The following STK3 variants were observed in gnomAD, a reference collection of about 807,000 sequenced individuals.
STK3 encodes the protein serine/threonine-protein kinase 3.
A neutral mutation model predicts 58.0 loss-of-function variants in STK3; 41 were observed. The ratio of observed to expected loss-of-function variants is 0.71; its 90% CI spans 0.55 to 0.92. The LOEUF is 0.92. Ranked by LOEUF, STK3 falls within the 40% of genes least tolerant of loss-of-function variation. STK3 has a pLI of 0.00. For missense variants in STK3, 479 were observed against 602.7 expected (o/e 0.79, Z 2.15); for synonymous variants, 170 against 191.0 (o/e 0.89, Z 0.91).
chr8:98,484,289 A>G (rs1426068607), intron 10 of STK3, among the ~76,000 whole-genome samples: 1 of 152,218 alleles, frequency 6.6e-6, no homozygotes, highest in African/African-American at 2.4e-5. Context: ...GTTTGATACC[A>G]AAGTATCCTT....
chr8:98,382,619 C>T (rs1037327620), intron 1 of STK3, among the ~76,000 whole-genome samples: 9 of 152,100 alleles, frequency 5.9e-5, no homozygotes, highest in Admixed American at 5.9e-4. Context: ...GCCCGGGCTG[C>T]TCCATGAGGT....
intron 10 of STK3, among the ~76,000 whole-genome samples, chr8:98,478,417 C>T (rs1463466586): frequency 2.6e-5 from 4 of 152,112 alleles, no homozygotes; most frequent in Non-Finnish European, 2.9e-5. Flanking sequence ...GTTCGCCTCC[C>T]GAGCAGAGCA....
chr8:98,545,191 C>A (rs1179444065), intron 9 of STK3, among the ~76,000 whole-genome samples: 1 of 152,202 alleles, frequency 6.6e-6, no homozygotes, highest in Non-Finnish European at 1.5e-5. Context: ...TACCCAGTGT[C>A]AAGCATTCAG....
At chr8:98,344,764 G>T in the STK3 span, among the ~76,000 whole-genome samples, 3 of 150,156 alleles carry the variant, frequency 2.0e-5, no homozygotes, top group Non-Finnish European at 3.0e-5. Context: ...GTAGTGGCGG[G>T]CGCCTGTAGT....
At chr8:98,443,370 C>A (rs940229145) in intron 1 of STK3, among the ~76,000 whole-genome samples, 1 of 152,172 alleles carries the variant, frequency 6.6e-6, no homozygotes, top group East Asian at 1.9e-4. Context: ...TTGTGAATGG[C>A]AGTTTGTTTC....
intron 3 of STK3, among the ~76,000 whole-genome samples, chr8:98,851,792 A>T (rs1462012195): frequency 2.0e-5 from 3 of 151,970 alleles, no homozygotes; most frequent in Non-Finnish European, 4.4e-5. Flanking sequence ...AGGCTTTTAA[A>T]TTTTTTTTGA....
chr8:98,705,704 T>C (rs554986662), intron 6 of STK3, among the ~76,000 whole-genome samples: 8 of 152,198 alleles, frequency 5.3e-5, no homozygotes, highest in South Asian at 4.1e-4. Flanking sequence ...CATTCCTACA[T>C]CCTTATTGAG....
At chr8:98,463,344 A>C (rs16892236) in intron 10 of STK3, among the ~76,000 whole-genome samples, 1 of 151,824 alleles carries the variant, frequency 6.6e-6, no homozygotes, top group Admixed American at 6.6e-5. Flanking sequence ...AGGAGATGAA[A>C]GATCAATATA....
chr8:98,355,538 A>G, the STK3 span, among the ~76,000 whole-genome samples: 7 of 152,212 alleles, frequency 4.6e-5, no homozygotes, highest in South Asian at 4.1e-4. Context: ...GGGCATCTCT[A>G]TGAGAAGTTT....
chr8:98,345,410 T>G, the STK3 span, among the ~76,000 whole-genome samples: 2 of 152,022 alleles, frequency 1.3e-5, no homozygotes, highest in Admixed American at 1.3e-4. Flanking sequence ...AGTCACACTT[T>G]TTACTCCCCT....
In STK3 at chr8:98,706,480, A is replaced by G. The variant is rs748708313; in HGVS notation, c.671T>C (p.Ile224Thr). The change falls in exon 6 of 11, where the codon ATA (isoleucine) becomes ACA (threonine). Residue 224 changes from isoleucine (I) to threonine (T), a missense_variant. Around this residue, in one of 3 missense-constraint regions of STK3, gnomAD observed 309 missense variants for 355.7 expected, o/e 0.87. Coordinates refer to ENST00000419617, the MANE Select transcript of STK3 (RefSeq NM_006281.4). ...MAEGKPPYAD[I>T]HPMRAIFMIP... Reference sequence around the variant, plus strand: ...TAATTTTCTTACCCTCATTGGATGTATATCAGCATAAGGAGGTTTTCCTTC... The same window carrying G: ...TAATTTTCTTACCCTCATTGGATGTGTATCAGCATAAGGAGGTTTTCCTTC... 1.9e-6 allele frequency: 3 copies of G among 1,611,780 alleles called. No homozygotes were observed. The highest frequency in any genetic ancestry group is 2.7e-5 in the African/African-American group (2 of 74,854).
chr8:98,370,879 T>G (rs191569957), downstream of STK3, among the ~76,000 whole-genome samples: 1 of 152,344 alleles, frequency 6.6e-6, no homozygotes, highest in Non-Finnish European at 1.5e-5. Flanking sequence ...CGAGTCTCAG[T>G]TTCCTCACCT....
chr8:98,566,174 C>T (rs1193915962), intron 8 of STK3, among the ~76,000 whole-genome samples: 2 of 152,046 alleles, frequency 1.3e-5, no homozygotes, highest in African/African-American at 4.8e-5. Flanking sequence ...TCCAATCATG[C>T]TCCATACTTT....
chr8:98,550,648 C>T (rs1811086340), intron 8 of STK3, among the ~76,000 whole-genome samples: 1 of 152,022 alleles, frequency 6.6e-6, no homozygotes, highest in Admixed American at 6.6e-5. Flanking sequence ...GGGTATAATC[C>T]TCACTACATC....
intron 1 of STK3, among the ~76,000 whole-genome samples, chr8:98,441,575 A>G (rs1488155365): frequency 6.6e-6 from 1 of 152,228 alleles, no homozygotes; most frequent in Non-Finnish European, 1.5e-5. Context: ...AGTATAAATC[A>G]GCACAAACAT....
chr8:98,429,169 C>G, intron 3 of STK3: 1 of 1,613,622 alleles, frequency 6.2e-7, no homozygotes, highest in East Asian at 2.2e-5. Flanking sequence ...TGCATCTTGG[C>G]AGGCATCCTC....
rs1423826121 is a variant in STK3, at chr8:98,738,893, C to T, written c.351+10383G>A. 2.0e-5 allele frequency among the ~76,000 whole-genome samples: 3 copies of T among 152,256 alleles called. No individual in the cohort carries two copies. In the East Asian group the frequency reaches 5.8e-4, roughly 29 times the overall value. On this transcript the variant is annotated intron_variant, in intron 4 of 10. Coordinates refer to ENST00000419617, the MANE Select transcript of STK3 (RefSeq NM_006281.4). ...AAATCGGGTCACTCCCACCCGAATACTGCGCTTTTCCGACGCGCTTAAAAA... is the reference window on the plus strand; with the variant it reads ...AAATCGGGTCACTCCCACCCGAATATTGCGCTTTTCCGACGCGCTTAAAAA...
chr8:98,869,346 G>A (rs1002572127), intron 3 of STK3, among the ~76,000 whole-genome samples: 19 of 152,114 alleles, frequency 1.2e-4, no homozygotes, highest in African/African-American at 3.9e-4. Flanking sequence ...GCTTGAGCCC[G>A]GGAGGCAGAG....
chr8:98,661,913 T>C (rs1434082697), intron 6 of STK3, among the ~76,000 whole-genome samples: 4 of 152,076 alleles, frequency 2.6e-5, no homozygotes, highest in Non-Finnish European at 5.9e-5. Flanking sequence ...TGCTGAGTTA[T>C]ATCATCTCAT....
Sources: gnomAD v4.1 joint callset for allele counts (sites outside exome capture counted in the v4.1 genomes callset) on GRCh38, gnomAD v4.1.1 for gene constraint, gnomAD v4.1.1 regional missense constraint, MANE v1.5 for transcripts, NCBI Gene and HGNC (gene_info 2026-07-23, HGNC 2026-07-21) for gene names.